IL1RAPL2: variants seen among roughly 807,000 people sequenced by gnomAD.
The protein encoded by IL1RAPL2 is interleukin 1 receptor accessory protein like 2.
IL1RAPL2 carries 3 observed loss-of-function variants against 44.1 expected under a neutral mutation model. The ratio of observed to expected loss-of-function variants is 0.07; its 90% confidence interval spans 0.03 to 0.18. The LOEUF is 0.18. IL1RAPL2 is among the 10% of genes least tolerant of loss of function. IL1RAPL2 has a pLI of 1.00. For missense variants in IL1RAPL2, 391 were observed against 496.4 expected, an observed-to-expected ratio of 0.79 and a Z score of 2.02; for synonymous variants, 181 against 178.8, an observed-to-expected ratio of 1.01 and a Z score of -0.10.
intron 2 of IL1RAPL2, among the ~76,000 whole-genome samples, chrX:104,730,440 T>A (rs1931886773): frequency 1.0e-5 from 1 of 96,786 alleles, no homozygotes; most frequent in Non-Finnish European, 2.1e-5. Flanking sequence ...TTCTCATTGT[T>A]CAATTCCCAT....
At chrX:105,061,288 T>G (rs1239202305) in intron 2 of IL1RAPL2, among the ~76,000 whole-genome samples, 5 of 111,938 alleles carry the variant, frequency 4.5e-5, no homozygotes, top group Non-Finnish European at 5.6e-5. Flanking sequence ...CTTAATATCT[T>G]CATTGACCCA....
chrX:104,905,735 T>C (rs961334766), intron 2 of IL1RAPL2, among the ~76,000 whole-genome samples: 4 of 111,269 alleles, frequency 3.6e-5, no homozygotes, highest in Admixed American at 9.5e-5. Context: ...AGTCAGGTAG[T>C]GTGATGCCTC....
At chrX:104,788,054 A>G (rs969558179) in intron 2 of IL1RAPL2, among the ~76,000 whole-genome samples, 1 of 111,784 alleles carries the variant, frequency 8.9e-6, no homozygotes, top group African/African-American at 3.2e-5. Flanking sequence ...AAGGAGGGAG[A>G]GAGTGTGGTG....
intron 5 of IL1RAPL2, among the ~76,000 whole-genome samples, chrX:105,466,486 T>G (rs765250537): frequency 9.0e-6 from 1 of 111,429 alleles, no homozygotes; most frequent in Admixed American, 9.6e-5. Flanking sequence ...AGGTAGTGTT[T>G]AGAGCTCCAA....
intron 6 of IL1RAPL2, among the ~76,000 whole-genome samples, chrX:105,615,107 T>C (rs2037364111): frequency 8.9e-6 from 1 of 112,109 alleles, no homozygotes; most frequent in African/African-American, 3.2e-5. Context: ...ATCAGAGGAA[T>C]GCATATCAGA....
chrX:105,588,117 ATTT>A (rs2147817221), intron 6 of IL1RAPL2, among the ~76,000 whole-genome samples: 1 of 111,235 alleles, frequency 9.0e-6, no homozygotes, highest in Non-Finnish European at 1.9e-5. Context: ...TTTATATCTT[ATTT>A]ATTATTCTAA....
chrX:104,803,656 A>G (rs1166261772), intron 2 of IL1RAPL2, among the ~76,000 whole-genome samples: 1 of 112,410 alleles, frequency 8.9e-6, no homozygotes, highest in Non-Finnish European at 1.9e-5. Context: ...CTGTTTCCCC[A>G]GGCCAATCAG....
chrX:105,309,024 A>T (rs777444554), intron 5 of IL1RAPL2, among the ~76,000 whole-genome samples: 16 of 110,398 alleles, frequency 1.4e-4, no homozygotes, highest in East Asian at 5.8e-4. Flanking sequence ...TAATTTAATT[A>T]AATTAATTAA....
chrX:104,757,982 A>G (rs751026713), intron 2 of IL1RAPL2, among the ~76,000 whole-genome samples: 21 of 111,995 alleles, frequency 1.9e-4, no homozygotes, highest in Admixed American at 3.8e-4. Flanking sequence ...GACTGACAAT[A>G]CAGATGTTTC....
chrX:105,604,226 C>A (rs1346968746), intron 6 of IL1RAPL2, among the ~76,000 whole-genome samples: 1 of 110,825 alleles, frequency 9.0e-6, no homozygotes, highest in Non-Finnish European at 1.9e-5. Context: ...AAAAGTTTTT[C>A]TTTCAAAACA....
intron 2 of IL1RAPL2, among the ~76,000 whole-genome samples, chrX:104,941,078 A>G (rs1245084224): frequency 3.6e-5 from 4 of 110,619 alleles, no homozygotes; most frequent in Non-Finnish European, 3.8e-5. Flanking sequence ...TATATGTGCC[A>G]CATTTTCTTA....
chrX:105,043,834 A>G (rs1023219002), intron 2 of IL1RAPL2, among the ~76,000 whole-genome samples: 2 of 111,807 alleles, frequency 1.8e-5, no homozygotes, highest in Non-Finnish European at 3.8e-5. Flanking sequence ...CATCATGAAA[A>G]GTTCCCCAGT....
chrX:105,264,285 A>G (rs1339122230), intron 4 of IL1RAPL2, among the ~76,000 whole-genome samples: 1 of 111,266 alleles, frequency 9.0e-6, no homozygotes, highest in Non-Finnish European at 1.9e-5. Context: ...CCATGATTGT[A>G]AGTTTCCTGA....
intron 5 of IL1RAPL2, among the ~76,000 whole-genome samples, chrX:105,350,141 T>C (rs2035141474): frequency 8.9e-6 from 1 of 112,208 alleles, no homozygotes; most frequent in South Asian, 3.7e-4. Context: ...GCTTTTTCTC[T>C]TCCAGGACCT....
At chrX:105,479,670 C>T (rs983717154) in intron 5 of IL1RAPL2, among the ~76,000 whole-genome samples, 9 of 109,197 alleles carry the variant, frequency 8.2e-5, no homozygotes, top group African/African-American at 2.3e-4. Flanking sequence ...ACCCAGGAGG[C>T]GGAGATTAAG....
intron 2 of IL1RAPL2, among the ~76,000 whole-genome samples, chrX:105,094,384 C>A (rs2032580035): frequency 9.0e-6 from 1 of 111,720 alleles, no homozygotes; most frequent in East Asian, 2.8e-4. Context: ...ACATATCATA[C>A]ATATGCATAT....
intron 5 of IL1RAPL2, among the ~76,000 whole-genome samples, chrX:105,292,706 T>C (rs923876577): frequency 4.5e-5 from 5 of 111,861 alleles, no homozygotes; most frequent in Non-Finnish European, 7.5e-5. Flanking sequence ...TATAATTCAT[T>C]ATTTTAAGTA....
chrX:105,333,625 G>T (rs1481495392), intron 5 of IL1RAPL2, among the ~76,000 whole-genome samples: 1 of 111,367 alleles, frequency 9.0e-6, no homozygotes, highest in African/African-American at 3.3e-5. Flanking sequence ...TTTGACAAGG[G>T]GTTAATAACC....
intron 2 of IL1RAPL2, among the ~76,000 whole-genome samples, chrX:105,130,588 A>G (rs909577328): frequency 8.1e-5 from 9 of 111,257 alleles, no homozygotes; most frequent in South Asian, 3.7e-4. Context: ...CCTATACTAC[A>G]TGCCTTAGTG....
Sources: allele counts gnomAD v4.1 joint callset (sites outside exome capture counted in the v4.1 genomes callset), GRCh38; gene constraint gnomAD v4.1.1; transcripts MANE v1.5; gene names NCBI Gene and HGNC (gene_info 2026-07-23, HGNC 2026-07-21).